Variants in PPDPFL observed in about 807,000 individuals in gnomAD.
PPDPFL encodes pancreatic progenitor cell differentiation and proliferation factor like.
In PPDPFL, 12 loss-of-function variants were observed where a neutral mutation model predicts 12.6. The ratio of observed to expected loss-of-function variants is 0.95; its 90% CI spans 0.61 to 1.54. The LOEUF is 1.54. Ranked by LOEUF, PPDPFL falls within the 40% of genes most tolerant of loss-of-function variation. PPDPFL has a pLI of 0.00. For missense variants in PPDPFL, 114 were observed against 96.0 expected (o/e 1.19, Z -0.78); for synonymous variants, 24 against 32.7 (o/e 0.73, Z 0.91).
intron 4 of PPDPFL, chr8:49,074,946 T>A: frequency 1.5e-6 from 2 of 1,375,836 alleles, no homozygotes; most frequent in Non-Finnish European, 1.9e-6. Flanking sequence ...ATATAGTGAT[T>A]CTGATGAATT....
upstream of PPDPFL, among the ~76,000 whole-genome samples, chr8:49,069,505 G>C (rs1207932970): frequency 6.6e-6 from 1 of 152,198 alleles, no homozygotes; most frequent in African/African-American, 2.4e-5. Context: ...TGGCAAGGTT[G>C]CAGAGAAAAA....
chr8:49,062,342 G>A (rs1180449368), intron 1 of PPDPFL, among the ~76,000 whole-genome samples: 2 of 152,272 alleles, frequency 1.3e-5, no homozygotes, highest in East Asian at 3.9e-4. Context: ...AGTAACAATA[G>A]CCCATACAAA....
intron 1 of PPDPFL, among the ~76,000 whole-genome samples, chr8:49,058,550 C>T (rs749553540): frequency 2.0e-5 from 3 of 152,206 alleles, no homozygotes; most frequent in Non-Finnish European, 2.9e-5. Flanking sequence ...GTTTTAATTA[C>T]AGTTTAAATG....
intron 1 of PPDPFL, among the ~76,000 whole-genome samples, chr8:49,062,060 C>A (rs775187431): frequency 6.6e-6 from 1 of 152,214 alleles, no homozygotes; most frequent in African/African-American, 2.4e-5. Flanking sequence ...GGACAAATAA[C>A]CTGCATGAGT....
chr8:49,055,231 G>A (rs552367293), intron 1 of PPDPFL, among the ~76,000 whole-genome samples: 16 of 152,124 alleles, frequency 1.1e-4, no homozygotes, highest in South Asian at 4.1e-4. Context: ...ATTGAAAGCC[G>A]TCACCATGCC....
chr8:49,073,747 C>G (rs1046882655), intron 2 of PPDPFL, among the ~76,000 whole-genome samples: 4 of 152,048 alleles, frequency 2.6e-5, no homozygotes, highest in Admixed American at 2.6e-4. Context: ...AATATTTATT[C>G]TTGGTCTTGT....
rs117178148 is a variant in PPDPFL, at chr8:49,058,754, G to C, written c.-45+4385G>C. ...TTATTTAATAAAGAGCCTTAAAGAA[G>C]TCTTAACCTCCAAAGTCTCCATTTT... On this transcript the variant is annotated intron_variant, in intron 1 of 4. Transcript: ENST00000517663. Among the ~76,000 whole-genome samples the C allele has an allele frequency of 5.3e-5, 8 of 152,254 alleles. No homozygotes were observed. In the East Asian group the frequency reaches 1.5e-3, roughly 29 times the overall value.
chr8:49,058,707 A>G (rs1808148803), intron 1 of PPDPFL, among the ~76,000 whole-genome samples: 2 of 152,238 alleles, frequency 1.3e-5, no homozygotes, highest in African/African-American at 4.8e-5. Flanking sequence ...AAGGAGCCAG[A>G]TAAGAAAGAC....
rs1452466106 is a variant in PPDPFL at position 49,075,258 on chromosome 8, C to G, written c.*85C>G. ...AGCATGAACAGTTGATTCTGACAAT[C>G]AAGATCCTCTGCCTGCTGCAGTGGT... On this transcript the variant is annotated 3_prime_UTR_variant, in exon 5 of 5. Transcript: ENST00000522267. 2 of 1,613,964 alleles carry G rather than the reference C, an allele frequency of 1.2e-6. No homozygotes were observed. The highest frequency in any genetic ancestry group is 1.7e-6 in the Non-Finnish European group (2 of 1,179,854).
At chr8:49,074,464 G>A (rs548874243) in intron 4 of PPDPFL, 131 bp downstream of exon 4, 17 of 1,542,824 alleles carry the variant, frequency 1.1e-5, no homozygotes, top group African/African-American at 6.8e-5. Flanking sequence ...CCTATGAAGC[G>A]CACCTGAGGG....
Position 49,074,351 on chromosome 8 carries a change from C to T in PPDPFL, c.233+18C>T. On this transcript the variant is annotated intron_variant, in intron 4 of 4. Transcript: ENST00000522267. ...GCTACTGGGTGAGTTTTAGCCTTCTCTGGTAAGGGCAGTTCTTACTTAGTG... is the reference window on the plus strand; with the variant it reads ...GCTACTGGGTGAGTTTTAGCCTTCTTTGGTAAGGGCAGTTCTTACTTAGTG... 1 of 1,607,586 alleles carries T rather than the reference C, an allele frequency of 6.2e-7. No individual in the cohort carries two copies. Among genetic ancestry groups the T allele is most frequent in the Non-Finnish European group, 8.5e-7 (1 of 1,174,118 alleles).
At chr8:49,071,638 A>G (rs1808392291), upstream of PPDPFL, among the ~76,000 whole-genome samples, 1 of 152,096 alleles carries the variant, frequency 6.6e-6, no homozygotes, top group Non-Finnish European at 1.5e-5. Context: ...CCTGGGCGAC[A>G]GAGTGAGACT....
intron 1 of PPDPFL, among the ~76,000 whole-genome samples, chr8:49,056,866 T>C (rs560164513): frequency 2.0e-5 from 3 of 152,314 alleles, no homozygotes; most frequent in African/African-American, 7.2e-5. Flanking sequence ...AAAATTGCAG[T>C]AGGGTGTGAC....
chr8:49,058,462 A>G (rs1808145437), intron 1 of PPDPFL, among the ~76,000 whole-genome samples: 2 of 152,244 alleles, frequency 1.3e-5, no homozygotes, highest in Admixed American at 1.3e-4. Context: ...TTGGAAACCA[A>G]AAATTAAAAG....
chr8:49,070,345 C>T (rs1406000023), upstream of PPDPFL, among the ~76,000 whole-genome samples: 1 of 152,154 alleles, frequency 6.6e-6, no homozygotes, highest in Non-Finnish European at 1.5e-5. Flanking sequence ...TGCCACAACA[C>T]GTGTTACCTG....
At chr8:49,074,962 TC>T in intron 4 of PPDPFL, 189 bp from the exon 5 acceptor site, 1 of 1,374,992 alleles carries the variant, frequency 7.3e-7, no homozygotes, top group Non-Finnish European at 9.6e-7. Context: ...GAATTTCCTA[TC>T]TAAGACAAAT....
intron 1 of PPDPFL, among the ~76,000 whole-genome samples, chr8:49,056,159 G>T (rs1345440745): frequency 3.3e-5 from 5 of 152,136 alleles, no homozygotes; most frequent in African/African-American, 1.2e-4. Context: ...AGTAGGAGTT[G>T]TTCTCTACTG....
intron 4 of PPDPFL, 153 bp from the exon 5 acceptor site, chr8:49,074,999 T>A: frequency 7.2e-7 from 1 of 1,386,588 alleles, no homozygotes; most frequent in Non-Finnish European, 9.6e-7. Context: ...AAAATTAGAA[T>A]CATTATTTAA....
At chr8:49,074,559 G>A in intron 4 of PPDPFL, 17 of 1,536,548 alleles carry the variant, frequency 1.1e-5, no homozygotes, top group Non-Finnish European at 1.5e-5. Flanking sequence ...TCACTCAAGA[G>A]TGGTGGAGAA....
Sources: gnomAD v4.1 joint callset for allele counts (sites outside exome capture counted in the v4.1 genomes callset) on GRCh38, gnomAD v4.1.1 for gene constraint, MANE v1.5 for transcripts, NCBI Gene and HGNC (gene_info 2026-07-23, HGNC 2026-07-21) for gene names.